LPP: variants seen among roughly 807,000 people sequenced by gnomAD.
The protein encoded by LPP is lipoma-preferred partner.
In LPP, 38 loss-of-function variants were observed where a neutral mutation model predicts 60.4. The observed-to-expected ratio is 0.63, with a 90% CI of 0.49 to 0.83. The LOEUF is 0.83. LPP is among the 40% of genes least tolerant of loss of function. The pLI is 0.00. For missense variants in LPP, 902 were observed against 783.6 expected, an observed-to-expected ratio of 1.15 and a Z score of -1.80; for synonymous variants, 328 against 290.8, an observed-to-expected ratio of 1.13 and a Z score of -1.30.
intron 6 of LPP, among the ~76,000 whole-genome samples, chr3:188,557,334 G>A (rs1829715901): frequency 6.6e-6 from 1 of 152,036 alleles, no homozygotes; most frequent in Non-Finnish European, 1.5e-5. Flanking sequence ...TTGAAAAGCG[G>A]TTTTGCAAAT....
chr3:188,334,768 A>G (rs1057073303), intron 2 of LPP, among the ~76,000 whole-genome samples: 1 of 151,976 alleles, frequency 6.6e-6, no homozygotes, highest in African/African-American at 2.4e-5. Flanking sequence ...CCTCTATACT[A>G]TTTTCTATAA....
intron 1 of LPP, among the ~76,000 whole-genome samples, chr3:188,197,957 C>G (rs1246199196): frequency 6.6e-6 from 1 of 152,210 alleles, no homozygotes; most frequent in Admixed American, 6.5e-5. Context: ...TTGGATCTCG[C>G]CCCTACCTTT....
At chr3:188,153,843 G>A (rs1310433772), upstream of LPP, 2 of 152,308 alleles carry the variant, frequency 1.3e-5, no homozygotes, top group African/African-American at 4.8e-5. Context: ...GCACCGCACG[G>A]GAGACCAAGG....
At chr3:188,415,167 C>T (rs928780615) in intron 4 of LPP, among the ~76,000 whole-genome samples, 1 of 152,072 alleles carries the variant, frequency 6.6e-6, no homozygotes, top group African/African-American at 2.4e-5. Context: ...ATACTATTGT[C>T]CCTCCGTATT....
At chr3:188,796,364 T>C (rs1308056061) in intron 9 of LPP, among the ~76,000 whole-genome samples, 1 of 152,158 alleles carries the variant, frequency 6.6e-6, no homozygotes, top group Non-Finnish European at 1.5e-5. Context: ...ATGAAGGACT[T>C]AGGCCTTGCT....
In LPP at chr3:188,732,636, TG is replaced by T. The variant is rs566048827; in HGVS notation, c.1240+24244del. Among the ~76,000 whole-genome samples the T allele has an allele frequency of 1.2e-4, 18 of 145,532 alleles. No homozygotes were observed. The East Asian group carries it at 3.6e-3, about 29-fold the overall frequency. ...GGGAGGCTGAGACAGGAGAATCGCT[TG>T]AACCCGTGAGGCGGAGGTTGCAGTG... On this transcript the variant is annotated intron_variant, in intron 8 of 11. Transcript: ENST00000617246.
intron 7 of LPP, among the ~76,000 whole-genome samples, chr3:188,693,346 G>A (rs945887912): frequency 2.0e-5 from 3 of 152,180 alleles, no homozygotes; most frequent in African/African-American, 7.2e-5. Context: ...TATTATTTGA[G>A]AAGTGGGAGG....
At chr3:188,753,636 T>A (rs1448611792) in intron 8 of LPP, among the ~76,000 whole-genome samples, 2 of 151,948 alleles carry the variant, frequency 1.3e-5, no homozygotes, top group Middle Eastern at 3.4e-3. Context: ...TGTTTTTTTT[T>A]ACTTTACCTT....
intron 4 of LPP, among the ~76,000 whole-genome samples, chr3:188,428,507 G>A (rs1201089050): frequency 6.6e-6 from 1 of 151,784 alleles, no homozygotes; most frequent in Non-Finnish European, 1.5e-5. Flanking sequence ...ATAATCACCT[G>A]GGGAACTTCA....
At chr3:188,512,171 A>G (rs78051269) in intron 5 of LPP, among the ~76,000 whole-genome samples, 70 of 152,334 alleles carry the variant, frequency 4.6e-4, no homozygotes, top group Non-Finnish European at 7.6e-4. Context: ...CTTATCAACT[A>G]TAAATGATTC....
chr3:188,227,503 C>G (rs1351315), intron 2 of LPP, among the ~76,000 whole-genome samples: 81,316 of 151,644 alleles, frequency 0.54, 22,419 homozygotes, highest in Non-Finnish European at 0.6. Context: ...GAGTGGCTTC[C>G]GAAATGCTGA....
Position 188,883,453 on chromosome 3 carries a change from C to T in LPP, c.*8974C>T. 5.4e-6 allele frequency: 1 copy of T among 184,974 alleles called. No homozygotes were observed. Among genetic ancestry groups the T allele is most frequent in the East Asian group, 8.0e-5 (1 of 12,538 alleles). The allele number at this position is 184,974 out of a possible 1,614,324, so 11.5% of individuals were successfully genotyped here. ...GACCTTAAAAATGTTAGGAAATGGG[C>T]CGGGCGCGGTGGCTCGTGCCTGTAA... is the stretch of plus-strand genomic sequence containing the variant. On this transcript the variant is annotated 3_prime_UTR_variant, in exon 12 of 12. Transcript: ENST00000617246.
At chr3:188,873,661 A>G (rs1768747152) in intron 11 of LPP, among the ~76,000 whole-genome samples, 1 of 151,928 alleles carries the variant, frequency 6.6e-6, no homozygotes, top group South Asian at 2.1e-4. Context: ...AGTTATTTTC[A>G]GAGTGGCAGT....
intron 2 of LPP, among the ~76,000 whole-genome samples, chr3:188,293,569 C>T (rs879510108): frequency 6.6e-6 from 1 of 152,134 alleles, no homozygotes; most frequent in South Asian, 2.1e-4. Flanking sequence ...ATATGTCAAA[C>T]TGAGAATTAA....
chr3:188,607,547 T>G (rs1008250566), intron 6 of LPP, among the ~76,000 whole-genome samples: 1 of 151,914 alleles, frequency 6.6e-6, no homozygotes, highest in African/African-American at 2.4e-5. Flanking sequence ...AACATTCTTC[T>G]GGCCCACATA....
intron 8 of LPP, among the ~76,000 whole-genome samples, chr3:188,742,602 A>G (rs2150191905): frequency 6.6e-6 from 1 of 152,240 alleles, no homozygotes; most frequent in East Asian, 1.9e-4. Flanking sequence ...CCTGGAAAAG[A>G]CAAAACTAAT....
chr3:188,886,492 T>G lies in LPP; in HGVS notation c.*12013T>G, dbSNP rs1770680792. 5.5e-6 allele frequency: 1 copy of G among 181,874 alleles called. No individual in the cohort carries two copies. Among genetic ancestry groups the G allele is most frequent in the Non-Finnish European group, 1.1e-5 (1 of 90,582 alleles). The allele number at this position is 181,874 out of a possible 1,614,324, so 11.3% of individuals were successfully genotyped here. On this transcript the variant is annotated 3_prime_UTR_variant, in exon 12 of 12. Coordinates refer to ENST00000617246, the MANE Select transcript of LPP (RefSeq NM_001375462.1). ...TTATCTAGTATGCCTGAGTAGAGAC[T>G]CACATGGGTGGAATCTGTGTTGTCT... is the stretch of plus-strand genomic sequence containing the variant.
intron 7 of LPP, among the ~76,000 whole-genome samples, chr3:188,634,371 G>C (rs750830920): frequency 2.6e-5 from 4 of 152,242 alleles, no homozygotes; most frequent in Non-Finnish European, 5.9e-5. Flanking sequence ...AAAGGTTTCA[G>C]TGACAGAAGA....
At chr3:188,796,966 T>A (rs1336739636) in intron 9 of LPP, among the ~76,000 whole-genome samples, 1 of 152,182 alleles carries the variant, frequency 6.6e-6, no homozygotes, top group Non-Finnish European at 1.5e-5. Context: ...AAATGACCTA[T>A]CTTTCCCTTC....
Sources: allele counts gnomAD v4.1 joint callset (sites outside exome capture counted in the v4.1 genomes callset), GRCh38; gene constraint gnomAD v4.1.1; transcripts MANE v1.5; gene names NCBI Gene and HGNC (gene_info 2026-07-23, HGNC 2026-07-21).